VPS13D: variants seen among roughly 807,000 people sequenced by gnomAD.
VPS13D encodes intermembrane lipid transfer protein VPS13D.
VPS13D carries 187 observed loss-of-function variants against 461.9 expected under a neutral mutation model. The ratio of observed to expected loss-of-function variants is 0.40; its 90% CI spans 0.36 to 0.46. The LOEUF (loss-of-function observed/expected upper bound fraction) is 0.46. Ranked by LOEUF, VPS13D falls within the 20% of genes least tolerant of loss-of-function variation. The pLI, the probability that VPS13D is intolerant of heterozygous loss-of-function variation, is 0.60. For missense variants in VPS13D, 4,711 were observed against 5,364.9 expected (o/e 0.88, Z 3.81); for synonymous variants, 1,951 against 1,986.3 (o/e 0.98, Z 0.47).
intron 67 of VPS13D, among the ~76,000 whole-genome samples, chr1:12,478,055 A>G (rs1259399281): frequency 6.6e-6 from 1 of 152,240 alleles, no homozygotes; most frequent in Non-Finnish European, 1.5e-5. Context: ...TTGTGAGAAC[A>G]AAGTGAAATG....
At position 12,276,345 on chromosome 1, in the gene VPS13D, C is replaced by T. The variant is rs148459645; in HGVS notation, c.2757C>T (p.Pro919=). 87 of 1,614,092 alleles carry T rather than the reference C, an allele frequency of 5.4e-5. No individual in the cohort carries two copies. The highest frequency in any genetic ancestry group is 3.8e-4 in the East Asian group (17 of 44,878). Residue 919 remains proline, a synonymous_variant, in exon 19 of 70, where the codon CCC becomes CCT. Coordinates refer to ENST00000620676, the MANE Select transcript of VPS13D (RefSeq NM_015378.4). The surrounding 1 kb of genome is among the most constrained non-coding windows in gnomAD (Gnocchi z 4.5). ...CTCAGATTAAAGAAAAGATTTTTCC[C>T]CAGGAGGAGCAGCGGGGAAGTTTGC... ...SDTQIKEKIF[P]QEEQRGSLQD...
chr1:12,383,052 G>C lies in VPS13D; in HGVS notation c.11267G>C (p.Gly3756Ala). The change falls in exon 58 of 70, where the codon GGG becomes GCG. Residue 3756 changes from glycine to alanine, a missense_variant. This residue lies in a region of VPS13D where 4,411 missense variants were observed against 4,937.8 expected (regional missense o/e 0.89). Transcript: ENST00000620676. ...LGPDTSMELL[G>A]PVPPEQQFIN... Reference sequence around the variant, plus strand: ...CCTGACACTTCCATGGAGCTTTTGGGGCCAGTTCCACCTGAACAACAATTT... The same window carrying C: ...CCTGACACTTCCATGGAGCTTTTGGCGCCAGTTCCACCTGAACAACAATTT... 1.9e-6 allele frequency: 3 copies of C among 1,614,002 alleles called. No individual in the cohort carries two copies. The highest frequency in any genetic ancestry group is 2.5e-6 in the Non-Finnish European group (3 of 1,179,998).
chr1:12,418,241 T>C (rs1055214032), intron 65 of VPS13D, among the ~76,000 whole-genome samples: 4 of 152,308 alleles, frequency 2.6e-5, no homozygotes, highest in East Asian at 3.9e-4. Context: ...TTCCCACTCA[T>C]GGTTTGAAAG....
chr1:12,308,376 AC>A, intron 26 of VPS13D, 54 bp from the exon 27 acceptor site: 1 of 1,586,034 alleles, frequency 6.3e-7, no homozygotes, highest in East Asian at 2.2e-5. Context: ...GTTTAGTGCA[AC>A]CCCTTTTTGG....
At chr1:12,498,181 A>G (rs977021832) in intron 68 of VPS13D, among the ~76,000 whole-genome samples, 17 of 152,194 alleles carry the variant, frequency 1.1e-4, no homozygotes, top group Admixed American at 2.6e-4. Context: ...ATTTTAGGAT[A>G]TTTTGCAGAG....
intron 7 of VPS13D, among the ~76,000 whole-genome samples, chr1:12,255,130 G>A (rs1378194851): frequency 1.3e-5 from 2 of 151,916 alleles, no homozygotes; most frequent in African/African-American, 4.8e-5. Context: ...ATTTTTAGTA[G>A]AGACGAGGTT....
rs371826619 is a variant in VPS13D at position 12,487,746 on chromosome 1, CAGTT to C, written c.12663-9751_12663-9748del. Among the ~76,000 whole-genome samples, 545 of 152,170 alleles carry C rather than the reference CAGTT, an allele frequency of 3.6e-3. 4 individuals are homozygous for C. The highest frequency in any genetic ancestry group is 0.013 in the African/African-American group (520 of 41,480). ...TCAGGGCTTCCCAGGGGAGAGGTGA[CAGTT>C]AGGACACACGCCTCCCCCACTTCAG... is the stretch of plus-strand genomic sequence containing the variant. On this transcript the variant is annotated intron_variant, in intron 67 of 69. Transcript: ENST00000620676.
chr1:12,326,870 C>T (rs1164251569), intron 35 of VPS13D, among the ~76,000 whole-genome samples: 1 of 152,032 alleles, frequency 6.6e-6, no homozygotes, highest in African/African-American at 2.4e-5. Flanking sequence ...GTCTCGATCT[C>T]CTGACCTCAT....
chr1:12,447,374 C>T (rs996314130), intron 65 of VPS13D, among the ~76,000 whole-genome samples: 2 of 152,136 alleles, frequency 1.3e-5, no homozygotes, highest in African/African-American at 2.4e-5. Flanking sequence ...CATAATAATA[C>T]TACCTCACAG....
intron 15 of VPS13D, 86 bp from the exon 16 acceptor site, chr1:12,268,620 T>G (rs974760825): frequency 7.1e-7 from 1 of 1,404,904 alleles, no homozygotes; most frequent in Non-Finnish European, 9.7e-7. Flanking sequence ...AGAAAATGTC[T>G]GTTTTTCCAG....
chr1:12,504,532 G>A (rs759287681), intron 68 of VPS13D, among the ~76,000 whole-genome samples: 7 of 152,110 alleles, frequency 4.6e-5, no homozygotes, highest in African/African-American at 9.7e-5. Context: ...CTTGACCTCC[G>A]TGCTCACTTT....
At chr1:12,280,235 C>T (rs1242632184) in intron 20 of VPS13D, among the ~76,000 whole-genome samples, 1 of 152,068 alleles carries the variant, frequency 6.6e-6, no homozygotes, top group African/African-American at 2.4e-5. Flanking sequence ...GCTCTTAGGA[C>T]GGTCTGTGGT....
intron 51 of VPS13D, 79 bp downstream of exon 51, chr1:12,362,929 C>T (rs140256528): frequency 8.1e-5 from 129 of 1,596,510 alleles, no homozygotes; most frequent in Middle Eastern, 1.7e-4. Flanking sequence ...GAAGACTGTA[C>T]GTTCTGTGAT....
At chr1:12,419,841 G>A (rs898956820) in intron 65 of VPS13D, among the ~76,000 whole-genome samples, 21 of 152,148 alleles carry the variant, frequency 1.4e-4, no homozygotes, top group African/African-American at 4.8e-4. Context: ...TTTCATTGCT[G>A]TGCGAACATC....
At chr1:12,417,907 T>C (rs992044049) in intron 65 of VPS13D, among the ~76,000 whole-genome samples, 46 of 152,262 alleles carry the variant, frequency 3.0e-4, no homozygotes, top group African/African-American at 1.1e-3. Flanking sequence ...TTTCTTTTTC[T>C]TTTTTCTTTT....
rs1471684159 is a variant in VPS13D at position 12,319,540 on chromosome 1, C to T, written c.7458C>T (p.Thr2486=). Residue 2486 remains threonine, a synonymous_variant, in exon 32 of 70, where the codon ACC becomes ACT. Transcript: ENST00000620676. ...TTGAAGATGTGTCCTGCTTCGACAC[C>T]AATGCCATTATTCTGAAAGGCACCA... is the stretch of plus-strand genomic sequence containing the variant. ...VVIEDVSCFD[T]NAIILKGTTV... 1 of 1,614,126 alleles carries T rather than the reference C, an allele frequency of 6.2e-7. No homozygotes were observed. The highest frequency in any genetic ancestry group is 8.5e-7 in the Non-Finnish European group (1 of 1,179,994).
Position 12,283,606 on chromosome 1 carries a change from T to C in VPS13D, c.5504T>C (p.Ile1835Thr). 6.2e-7 allele frequency: 1 copy of C among 1,614,230 alleles called. No homozygotes were observed. Among genetic ancestry groups the C allele is most frequent in the Non-Finnish European group, 8.5e-7 (1 of 1,180,032 alleles). ...TWVVILDFFG[I>T]GSTADNHAMR... Reference sequence around the variant, plus strand: ...GTTGTGATATTAGACTTTTTTGGAATCGGCTCCACTGCAGACAACCACGCA... The same window carrying C: ...GTTGTGATATTAGACTTTTTTGGAACCGGCTCCACTGCAGACAACCACGCA... The change falls in exon 21 of 70, where the codon ATC (isoleucine) becomes ACC (threonine). Residue 1835 changes from isoleucine to threonine, a missense_variant. Around this residue, in one of 3 missense-constraint regions of VPS13D, gnomAD observed 4,411 missense variants for 4,937.8 expected, o/e 0.89. Coordinates refer to ENST00000620676, the MANE Select transcript of VPS13D (RefSeq NM_015378.4).
intron 51 of VPS13D, 110 bp from the exon 52 acceptor site, chr1:12,362,962 T>C (rs1643972764): frequency 6.3e-7 from 1 of 1,581,102 alleles, no homozygotes; most frequent in Non-Finnish European, 8.6e-7. Context: ...TCTGTGCCTT[T>C]GGTACCCAGA....
At chr1:12,465,711 G>A (rs148484125) in intron 67 of VPS13D, among the ~76,000 whole-genome samples, 1 of 152,266 alleles carries the variant, frequency 6.6e-6, no homozygotes, top group East Asian at 1.9e-4. Context: ...AAATGGAAAT[G>A]GGTTTTCTTA....
Sources: allele counts gnomAD v4.1 joint callset (sites outside exome capture counted in the v4.1 genomes callset), GRCh38; gene constraint gnomAD v4.1.1; regional missense constraint gnomAD v4.1.1; non-coding constraint Gnocchi (gnomAD v3.1); transcripts MANE v1.5; gene names NCBI Gene and HGNC (gene_info 2026-07-23, HGNC 2026-07-21).